Variants in RARB observed in about 807,000 individuals in gnomAD.
RARB encodes the protein retinoic acid receptor beta.
A neutral mutation model predicts 51.9 loss-of-function variants in RARB; 17 were observed. That is an observed-to-expected ratio of 0.33 (90% CI 0.22 to 0.49). RARB has a LOEUF of 0.49. RARB is among the 20% of genes least tolerant of loss of function. RARB has a pLI of 0.99. For missense variants in RARB, 369 were observed against 550.8 expected (o/e 0.67, Z 3.30); for synonymous variants, 215 against 195.4 (o/e 1.10, Z -0.84).
At chr3:25,050,372 C>T (rs1468843213) in intron 2 of RARB, among the ~76,000 whole-genome samples, 1 of 151,992 alleles carries the variant, frequency 6.6e-6, no homozygotes, top group Non-Finnish European at 1.5e-5. Flanking sequence ...AAGGATCAAT[C>T]CCAAAGATAA....
chr3:25,114,177 T>C (rs1209292027), intron 3 of RARB, among the ~76,000 whole-genome samples: 1 of 152,160 alleles, frequency 6.6e-6, no homozygotes, highest in Admixed American at 6.5e-5. Context: ...TTTAAAGCCT[T>C]TTCTGTTCCA....
chr3:25,274,335 G>A (rs1703326748), intron 5 of RARB, among the ~76,000 whole-genome samples: 2 of 152,032 alleles, frequency 1.3e-5, no homozygotes, highest in Admixed American at 6.6e-5. Context: ...GCAGCCACAC[G>A]CAACTAATGG....
intron 5 of RARB, among the ~76,000 whole-genome samples, chr3:25,383,246 C>T (rs2125480991): frequency 6.6e-6 from 1 of 152,278 alleles, no homozygotes; most frequent in East Asian, 1.9e-4. Context: ...GAACCCATGT[C>T]CTCTGAATTG....
chr3:25,589,370 G>A (rs989261414), intron 5 of RARB, among the ~76,000 whole-genome samples: 1 of 152,222 alleles, frequency 6.6e-6, no homozygotes, highest in African/African-American at 2.4e-5. Context: ...GGCCACTGAG[G>A]CCACAGAAAG....
chr3:25,077,232 A>G (rs1275040223), intron 3 of RARB, among the ~76,000 whole-genome samples: 1 of 152,228 alleles, frequency 6.6e-6, no homozygotes, highest in African/African-American at 2.4e-5. Flanking sequence ...CATAATAAGC[A>G]CATAGTGAAT....
intron 3 of RARB, among the ~76,000 whole-genome samples, chr3:25,525,660 A>G (rs1559451078): frequency 6.6e-6 from 1 of 152,236 alleles, no homozygotes. Context: ...GAGAGGGTAG[A>G]CACAGGCAGA....
At chr3:25,333,863 C>T (rs1704978989) in intron 5 of RARB, among the ~76,000 whole-genome samples, 1 of 152,134 alleles carries the variant, frequency 6.6e-6, no homozygotes, top group Non-Finnish European at 1.5e-5. Flanking sequence ...ACAAAGTGGG[C>T]AAAGGACATG....
chr3:24,968,554 A>T (rs1020066874), intron 2 of RARB, among the ~76,000 whole-genome samples: 1 of 152,056 alleles, frequency 6.6e-6, no homozygotes, highest in Non-Finnish European at 1.5e-5. Context: ...GTTTCTGTGG[A>T]CATTTGACAG....
At chr3:25,106,454 T>TGG (rs572269395) in intron 3 of RARB, among the ~76,000 whole-genome samples, 11,116 of 88,628 alleles carry the variant, frequency 0.13, 1,808 homozygotes, top group East Asian at 0.2. Flanking sequence ...GTTTTTTGTT[T>TGG]TTTGTTTTTT....
At chr3:25,489,802 G>C (rs114792682) in intron 2 of RARB, among the ~76,000 whole-genome samples, 205 of 152,342 alleles carry the variant, frequency 1.3e-3, no homozygotes, top group Middle Eastern at 0.01. Context: ...GGTTTGGGGG[G>C]CCTGGGTAAG....
At chr3:25,173,362 C>A (rs1700679235) in intron 4 of RARB, among the ~76,000 whole-genome samples, 1 of 152,106 alleles carries the variant, frequency 6.6e-6, no homozygotes, top group Admixed American at 6.5e-5. Flanking sequence ...TACATTAGTG[C>A]CTGGCACATA....
At chr3:25,056,118 G>C (rs887608863) in intron 2 of RARB, among the ~76,000 whole-genome samples, 4 of 152,130 alleles carry the variant, frequency 2.6e-5, no homozygotes, top group African/African-American at 9.7e-5. Context: ...AGAGGTTTCA[G>C]GGGGTCAAGA....
intron 2 of RARB, among the ~76,000 whole-genome samples, chr3:25,004,329 G>A (rs1697225239): frequency 6.6e-6 from 1 of 152,068 alleles, no homozygotes; most frequent in Admixed American, 6.6e-5. Flanking sequence ...AGTTTGTTTT[G>A]TAGTGCTATA....
At chr3:24,987,483 G>T (rs1291438487) in intron 2 of RARB, among the ~76,000 whole-genome samples, 1 of 152,202 alleles carries the variant, frequency 6.6e-6, no homozygotes, top group Non-Finnish European at 1.5e-5. Flanking sequence ...ACTGCAAAGG[G>T]AGGTTAGAGA....
chr3:25,064,975 G>C (rs1698632325), intron 3 of RARB, among the ~76,000 whole-genome samples: 1 of 152,188 alleles, frequency 6.6e-6, no homozygotes, highest in African/African-American at 2.4e-5. Flanking sequence ...CATGGAGAAT[G>C]ATGTCAAGGA....
chr3:24,844,575 T>C (rs920147088), intron 1 of RARB, among the ~76,000 whole-genome samples: 3 of 152,188 alleles, frequency 2.0e-5, no homozygotes, highest in African/African-American at 7.2e-5. Context: ...GGAGAGAACT[T>C]GCTGCCTTGA....
chr3:25,259,166 G>A (rs1161701801), intron 5 of RARB: 2 of 775,528 alleles, frequency 2.6e-6, no homozygotes, highest in African/African-American at 3.8e-5. Context: ...AATAGATATG[G>A]TAAAGTAGAG....
intron 1 of RARB, among the ~76,000 whole-genome samples, chr3:25,444,331 A>G (rs1260636042): frequency 4.6e-5 from 7 of 152,208 alleles, no homozygotes; most frequent in Admixed American, 4.6e-4. Context: ...TTTGCAGGGA[A>G]GAGGGATGGG....
In RARB at chr3:24,980,526, A is replaced by G. The variant is rs148709186; in HGVS notation, c.-379-79599A>G. On this transcript the variant is annotated intron_variant, in intron 2 of 11. Transcript: ENST00000383772. ...ATTTAATTTGATCTTCAGTCGATCA[A>G]ATTCGATCCTTTCTTCCACTTGATC... Among the ~76,000 whole-genome samples, 576 of 152,222 alleles carry G rather than the reference A, an allele frequency of 3.8e-3. 4 individuals are homozygous for G. The highest frequency in any genetic ancestry group is 0.013 in the African/African-American group (551 of 41,544).
Sources: allele counts gnomAD v4.1 joint callset (sites outside exome capture counted in the v4.1 genomes callset), GRCh38; gene constraint gnomAD v4.1.1; transcripts MANE v1.5; gene names NCBI Gene and HGNC (gene_info 2026-07-23, HGNC 2026-07-21).